NRDC: variants seen among roughly 807,000 people sequenced by gnomAD.
The protein encoded by NRDC is nardilysin.
NRDC carries 54 observed loss-of-function variants against 147.1 expected under a neutral mutation model. The observed-to-expected ratio is 0.37, with a 90% confidence interval of 0.29 to 0.46. The LOEUF (loss-of-function observed/expected upper bound fraction) is 0.46, where lower values mean the gene tolerates loss of function less well. Ranked by LOEUF, NRDC falls within the 20% of genes least tolerant of loss-of-function variation. The pLI, the probability that NRDC is intolerant of heterozygous loss-of-function variation, is 1.00. For missense variants in NRDC, 1,082 were observed against 1,370.6 expected (o/e 0.79, Z 3.33); for synonymous variants, 440 against 482.1 (o/e 0.91, Z 1.14).
intron 6 of NRDC, among the ~76,000 whole-genome samples, chr1:51,824,957 C>G (rs908412816): frequency 2.6e-5 from 4 of 152,142 alleles, no homozygotes; most frequent in African/African-American, 9.7e-5. Flanking sequence ...CTGGCCTAAA[C>G]CTGTTTATCT....
chr1:51,818,138 A>G lies in NRDC; in HGVS notation c.1292-3T>C. 6.3e-7 allele frequency: 1 copy of G among 1,592,896 alleles called. No homozygotes were observed. The highest frequency in any genetic ancestry group is 8.5e-7 in the Non-Finnish European group (1 of 1,171,640). On this transcript the variant is annotated splice_region_variant and splice_polypyrimidine_tract_variant and intron_variant, in intron 9 of 30. Coordinates refer to ENST00000352171, the MANE Select transcript of NRDC (RefSeq NM_001101662.2). The stretch of plus-strand genomic sequence containing the variant: ...ATGAATTTTTCTGATTGGAACAACT[A>G]AACAAAAATATTTTCCAGAAGAACA...
At chr1:51,832,060 T>G (rs1011960357) in intron 4 of NRDC, among the ~76,000 whole-genome samples, 1 of 152,082 alleles carries the variant, frequency 6.6e-6, no homozygotes, top group Non-Finnish European at 1.5e-5. Flanking sequence ...TTTTATTTTG[T>G]TTTTGAGACA....
At position 51,868,018 on chromosome 1, in the gene NRDC, A is replaced by G. The variant is rs370980246; in HGVS notation, c.341+10257T>C. Among the ~76,000 whole-genome samples, 7 of 152,362 alleles carry G rather than the reference A, an allele frequency of 4.6e-5. No individual in the cohort carries two copies. In the East Asian group the frequency reaches 1.3e-3, roughly 29 times the overall value. The stretch of plus-strand genomic sequence containing the variant: ...AGGATGGAAGGAGAACAATTGCTGG[A>G]ATAATTAGTGGAACATAAAAGGTGT... On this transcript the variant is annotated intron_variant, in intron 1 of 30. Transcript: ENST00000352171.
At chr1:51,831,928 A>G in intron 4 of NRDC, among the ~76,000 whole-genome samples, 1 of 151,338 alleles carries the variant, frequency 6.6e-6, no homozygotes, top group Non-Finnish European at 1.5e-5. Flanking sequence ...ACTGTCTCCA[A>G]AAAAAAAATA....
Position 51,860,219 on chromosome 1 carries a change from A to T in NRDC, c.341+18056T>A, listed in dbSNP as rs185194260. On this transcript the variant is annotated intron_variant, in intron 1 of 30. Transcript: ENST00000352171. ...CAGCATGCTTCATCTTTCACCTCAGAGATACTCAGAGTTGACTTGGGTTGA... is the reference window on the plus strand; with the variant it reads ...CAGCATGCTTCATCTTTCACCTCAGTGATACTCAGAGTTGACTTGGGTTGA... 359 of 155,754 alleles carry T rather than the reference A, an allele frequency of 2.3e-3. 1 individual carries two copies. The highest frequency in any genetic ancestry group is 4.2e-3 in the Non-Finnish European group (289 of 68,216). The allele number at this position is 155,754 out of a possible 1,614,324, so 9.6% of individuals were successfully genotyped here. A position where few individuals can be genotyped will look rare whatever the true frequency, so the allele number is the denominator to read the frequency against.
intron 1 of NRDC, among the ~76,000 whole-genome samples, chr1:51,869,634 C>T (rs1011694653): frequency 3.9e-5 from 6 of 152,112 alleles, no homozygotes; most frequent in Admixed American, 1.3e-4. Context: ...AAAACTGTAA[C>T]ATAATTTAAT....
chr1:51,826,589 A>G (rs751150618), intron 5 of NRDC, among the ~76,000 whole-genome samples: 8 of 152,304 alleles, frequency 5.3e-5, no homozygotes, highest in Middle Eastern at 3.4e-3. Flanking sequence ...GTGAGTATAA[A>G]CCATCATTAA....
intron 1 of NRDC, among the ~76,000 whole-genome samples, chr1:51,867,831 C>T (rs1226052082): frequency 6.6e-6 from 1 of 152,164 alleles, no homozygotes; most frequent in Non-Finnish European, 1.5e-5. Flanking sequence ...GTACAGATAA[C>T]TCAACAAGTT....
chr1:51,812,158 C>T lies in NRDC; in HGVS notation c.1675-60G>A, dbSNP rs116191854. 7,940 of 1,163,154 alleles carry T rather than the reference C, an allele frequency of 6.8e-3. 45 individuals are homozygous for T. Among genetic ancestry groups the T allele is most frequent in the South Asian group, 0.01 (813 of 79,956 alleles). 72.1% of individuals were successfully genotyped at this position (1,163,154 alleles called of 1,614,324 possible). ...CTCCATTATTATATTTGATTTACCA[C>T]AACATACAAATACTTTCTCCCTTTC... On this transcript the variant is annotated intron_variant, in intron 14 of 30. Coordinates refer to ENST00000352171, the MANE Select transcript of NRDC (RefSeq NM_001101662.2).
intron 1 of NRDC, among the ~76,000 whole-genome samples, chr1:51,863,311 A>C (rs542030495): frequency 9.2e-5 from 14 of 152,132 alleles, no homozygotes; most frequent in Non-Finnish European, 1.9e-4. Context: ...CTGAAGCAGA[A>C]GGATCACTTG....
At position 51,858,222 on chromosome 1, in the gene NRDC, G is replaced by A. The variant is rs908479698; in HGVS notation, c.342-17708C>T. Among the ~76,000 whole-genome samples the A allele has an allele frequency of 4.6e-5, 7 of 152,244 alleles. No individual in the cohort carries two copies. In the East Asian group the frequency reaches 1.2e-3, roughly 25 times the overall value. On this transcript the variant is annotated intron_variant, in intron 1 of 30. Coordinates refer to ENST00000352171, the MANE Select transcript of NRDC (RefSeq NM_001101662.2). ...GGGCCAGGTGTGGTGGCTCATGCCT[G>A]TAATCCCAACACGTTGGGAGATCAA...
At position 51,789,240 on chromosome 1, in the gene NRDC, T is replaced by TTGAC; in HGVS notation, c.3448_3451dup (p.Lys1151SerfsTer?). 1 of 1,613,504 alleles carries TTGAC rather than the reference T, an allele frequency of 6.2e-7. No individual in the cohort carries two copies. Among genetic ancestry groups the TTGAC allele is most frequent in the East Asian group, 2.2e-5 (1 of 44,880 alleles). On this transcript the variant is annotated frameshift_variant, in exon 31 of 31. Transcript: ENST00000352171. LOFTEE classifies it high-confidence loss of function. ...GCCAACGTGACTGCAGTTTATTTATTTGACTATTTTATGGTAGGGGAGAAG... is the reference window on the plus strand; with the variant it reads ...GCCAACGTGACTGCAGTTTATTTATTTGACTGACTATTTTATGGTAGGGGAGAAG...
chr1:51,835,790 G>A (rs1463070797), intron 3 of NRDC, among the ~76,000 whole-genome samples: 1 of 152,152 alleles, frequency 6.6e-6, no homozygotes. Flanking sequence ...CTGATGTTTG[G>A]CTGGGGGCCT....
chr1:51,792,472 G>C (rs755460011), intron 24 of NRDC, 48 bp from the exon 25 acceptor site: 1 of 1,586,454 alleles, frequency 6.3e-7, no homozygotes, highest in South Asian at 1.1e-5. Context: ...GTGGTTTACA[G>C]GGCTTTTAAA....
At chr1:51,792,321 G>A in intron 25 of NRDC, 56 bp downstream of exon 25, 1 of 1,562,796 alleles carries the variant, frequency 6.4e-7, no homozygotes, top group East Asian at 2.2e-5. Flanking sequence ...AAAAGGCCGG[G>A]CCTCATAGTG....
intron 1 of NRDC, among the ~76,000 whole-genome samples, chr1:51,874,044 C>CA (rs1156832347): frequency 6.7e-6 from 1 of 149,036 alleles, no homozygotes; most frequent in African/African-American, 2.5e-5. Context: ...TCCATTTCTA[C>CA]AAAAAATTAG....
At chr1:51,808,146 G>A (rs1012893906) in intron 17 of NRDC, among the ~76,000 whole-genome samples, 1 of 151,936 alleles carries the variant, frequency 6.6e-6, no homozygotes, top group Non-Finnish European at 1.5e-5. Context: ...ATGAAAGGGA[G>A]ATTCACATAA....
chr1:51,835,162 A>C (rs1403392189), intron 3 of NRDC, among the ~76,000 whole-genome samples: 2 of 151,984 alleles, frequency 1.3e-5, no homozygotes, highest in Non-Finnish European at 2.9e-5. Context: ...CTTGGATTCA[A>C]GTGATTCTCC....
chr1:51,818,691 C>T (rs1359338109), intron 9 of NRDC, among the ~76,000 whole-genome samples: 1 of 151,818 alleles, frequency 6.6e-6, no homozygotes, highest in African/African-American at 2.4e-5. Context: ...GCAGCAGAAG[C>T]GTGTAACAAA....
Sources: allele counts gnomAD v4.1 joint callset (sites outside exome capture counted in the v4.1 genomes callset), GRCh38; gene constraint gnomAD v4.1.1; transcripts MANE v1.5; gene names NCBI Gene and HGNC (gene_info 2026-07-23, HGNC 2026-07-21).